The following UNKL variants were observed in gnomAD, a reference collection of about 807,000 sequenced individuals.
UNKL encodes unk like zinc finger.
In UNKL, 60 loss-of-function variants were observed where a neutral mutation model predicts 78.0. That is an observed-to-expected ratio of 0.77 (90% confidence interval 0.63 to 0.95). The LOEUF (loss-of-function observed/expected upper bound fraction) is 0.95. UNKL is among the 40% of genes least tolerant of loss of function. The probability of loss-of-function intolerance (pLI) is 0.00; values close to 1 mark genes in which losing one functional copy is unlikely to be tolerated. For missense variants in UNKL, 1,159 were observed against 1,045.7 expected (o/e 1.11, Z -1.49); for synonymous variants, 608 against 474.8 (o/e 1.28, Z -3.65).
intron 5 of UNKL, among the ~76,000 whole-genome samples, 193 bp from the exon 6 acceptor site, chr16:1,397,488 CA>C (rs1263600890): frequency 4.8e-5 from 4 of 83,810 alleles, no homozygotes; most frequent in South Asian, 1.2e-3. Flanking sequence ...GAGGAGGTGT[CA>C]GGAGGACACA....
rs2037404416 is a variant in UNKL, at chr16:1,399,176, G to A, written c.734+198C>T. On this transcript the variant is annotated intron_variant, in intron 5 of 14. Coordinates refer to ENST00000389221, the MANE Select transcript of UNKL (RefSeq NM_001372107.1). The surrounding 1 kb of genome is among the most constrained non-coding windows in gnomAD (Gnocchi z 5.8). ...GGAGACACTGAGCGTAGGTGGGGAG[G>A]CCCATCCCCAGGACAGACGCGTGGG... is the stretch of plus-strand genomic sequence containing the variant. 1.8e-6 allele frequency: 2 copies of A among 1,139,092 alleles called. No individual in the cohort carries two copies. Among genetic ancestry groups the A allele is most frequent in the South Asian group, 1.7e-5 (1 of 60,288 alleles). The allele number at this position is 1,139,092 out of a possible 1,614,324, so 70.6% of individuals were successfully genotyped here.
chr16:1,380,675 T>TC (rs2036572854), intron 10 of UNKL, among the ~76,000 whole-genome samples: 1 of 144,750 alleles, frequency 6.9e-6, no homozygotes, highest in Admixed American at 6.9e-5. Context: ...GGTTCAGGAT[T>TC]TTTTTTTTTT....
intron 14 of UNKL, 46 bp from the exon 15 acceptor site, chr16:1,366,441 C>A: frequency 6.6e-7 from 1 of 1,506,238 alleles, no homozygotes; most frequent in Middle Eastern, 2.4e-4. Flanking sequence ...CCTGCCCAGG[C>A]TGGGCCAGCT....
At chr16:1,390,525 G>A in intron 9 of UNKL, 107 bp downstream of exon 9, 1 of 1,196,148 alleles carries the variant, frequency 8.4e-7, no homozygotes, top group South Asian at 1.4e-5. Flanking sequence ...GACCAAGGAT[G>A]CATGAGCGCT....
chr16:1,367,163 C>A lies in UNKL; in HGVS notation c.1975G>T (p.Gly659Cys), dbSNP rs149887709. 6.2e-7 allele frequency: 1 copy of A among 1,604,692 alleles called. No homozygotes were observed. Among genetic ancestry groups the A allele is most frequent in the African/African-American group, 1.3e-5 (1 of 74,764 alleles). ...LPGLRGCGDI[G>C]TIPLPKLHSL... ...TGCAGCTTCGGCAGGGGAATGGTGCCGATGTCCCCACAGCCCCGCAGCCCC... is the reference window on the plus strand; with the variant it reads ...TGCAGCTTCGGCAGGGGAATGGTGCAGATGTCCCCACAGCCCCGCAGCCCC... The change falls in exon 14 of 15, where the codon GGC becomes TGC. Residue 659 changes from glycine to cysteine, a missense_variant. Physicochemically the swap from Gly to Cys is radical, Grantham distance 159. Transcript: ENST00000389221.
intron 2 of UNKL, among the ~76,000 whole-genome samples, chr16:1,412,650 C>A (rs1428726099): frequency 6.6e-6 from 1 of 152,204 alleles, no homozygotes; most frequent in East Asian, 1.9e-4. Context: ...ACTTTACTGT[C>A]TTAAAATTAA....
At chr16:1,383,685 G>A (rs777337142) in intron 10 of UNKL, 45 of 410,154 alleles carry the variant, frequency 1.1e-4, no homozygotes, top group Non-Finnish European at 1.9e-4. Flanking sequence ...AACCACCAAC[G>A]ACCAGAAGCT....
At chr16:1,402,511 A>G (rs1402546814) in intron 3 of UNKL, among the ~76,000 whole-genome samples, 1 of 152,082 alleles carries the variant, frequency 6.6e-6, no homozygotes, top group South Asian at 2.1e-4. Flanking sequence ...AAATACAACA[A>G]AATAACCCAG....
rs1452850605 is a variant in UNKL at position 1,390,650 on chromosome 16, G to A, written c.1068C>T (p.Ser356=). ...DSPAEGGPRG[S]EQDSKQNHLA... Reference sequence around the variant, plus strand: ...CCTGTACCTGCTTGCTGTCTTGCTCGCTGCCCCTAGGGCCACCCTCGGCCG... The same window carrying A: ...CCTGTACCTGCTTGCTGTCTTGCTCACTGCCCCTAGGGCCACCCTCGGCCG... The change falls in exon 9 of 15, where the codon AGC becomes AGT. Residue 356 remains serine, a synonymous_variant. Transcript: ENST00000389221. The A allele has an allele frequency of 3.9e-6, 6 of 1,536,016 alleles. No individual in the cohort carries two copies. Among genetic ancestry groups the A allele is most frequent in the African/African-American group, 2.7e-5 (2 of 73,162 alleles).
Position 1,370,311 on chromosome 16 carries a change from G to T in UNKL, c.1404C>A (p.Ser468=). The T allele has an allele frequency of 6.5e-7, 1 of 1,533,630 alleles. No homozygotes were observed. The highest frequency in any genetic ancestry group is 8.7e-7 in the Non-Finnish European group (1 of 1,145,970). Residue 468 remains serine (S), a synonymous_variant, in exon 12 of 15, where the codon TCC becomes TCA. Coordinates refer to ENST00000389221, the MANE Select transcript of UNKL (RefSeq NM_001372107.1). ...AGSAPVAIPG[S]LPRAPSLHSP... ...AGTGTAGCGATGGTGCTCTGGGCAG[G>T]GAGCCGGGGATGGCGACAGGTGCAG... is the stretch of plus-strand genomic sequence containing the variant.
intron 6 of UNKL, among the ~76,000 whole-genome samples, chr16:1,394,712 G>A (rs1348888287): frequency 6.6e-6 from 1 of 152,042 alleles, no homozygotes; most frequent in East Asian, 1.9e-4. Context: ...AGCCCCTCCT[G>A]CTCCGTAGCT....
At position 1,399,331 on chromosome 16, in the gene UNKL, G is replaced by A. The variant is rs752239802; in HGVS notation, c.734+43C>T. On this transcript the variant is annotated intron_variant, in intron 5 of 14. Transcript: ENST00000389221. The surrounding 1 kb of genome is among the most constrained non-coding windows in gnomAD (Gnocchi z 5.8). ...ACGCGAGCCACGGGCCGGGAAGGAC[G>A]CCCACCAGCCGGAGTCCTCTGAGCA... The A allele has an allele frequency of 5.3e-6, 8 of 1,515,828 alleles. No homozygotes were observed. In the African/African-American group the frequency reaches 5.6e-5, roughly 11 times the overall value. 93.9% of individuals were successfully genotyped at this position (1,515,828 alleles called of 1,614,324 possible).
chr16:1,363,506 G>A lies in UNKL; in HGVS notation c.*2734C>T, dbSNP rs541466628. The A allele has an allele frequency of 6.8e-5, 19 of 278,232 alleles. No homozygotes were observed. Among genetic ancestry groups the A allele is most frequent in the Non-Finnish European group, 1.3e-4 (18 of 141,526 alleles). 17.2% of individuals were successfully genotyped at this position (278,232 alleles called of 1,614,324 possible). ...ACACGTCGTGACACCACTGTATCACGGCGAATGTCGAACACTAGAGTTACA... is the reference window on the plus strand; with the variant it reads ...ACACGTCGTGACACCACTGTATCACAGCGAATGTCGAACACTAGAGTTACA... On this transcript the variant is annotated 3_prime_UTR_variant, in exon 15 of 15. Coordinates refer to ENST00000389221, the MANE Select transcript of UNKL (RefSeq NM_001372107.1).
chr16:1,401,774 G>T, intron 3 of UNKL, 73 bp from the exon 4 acceptor site: 1 of 1,532,720 alleles, frequency 6.5e-7, no homozygotes, highest in East Asian at 2.3e-5. Flanking sequence ...TCACTGGAGG[G>T]CACGCTCCCC....
intron 9 of UNKL, 94 bp downstream of exon 9, chr16:1,390,538 C>G: frequency 1.5e-6 from 2 of 1,372,660 alleles, no homozygotes; most frequent in South Asian, 2.6e-5. Flanking sequence ...TGAGCGCTGC[C>G]CTAACGCGAT....
rs61742915 is a variant in UNKL at position 1,395,661 on chromosome 16, C to T, written c.853-1446G>A. ...TTGTTTACCTGGGGCGGGGCCCAGG[C>T]GGGAGGGTTTATCTCCCTCAGGATT... On this transcript the variant is annotated intron_variant, in intron 6 of 14. Transcript: ENST00000389221. 1.4e-3 allele frequency: 630 copies of T among 454,452 alleles called. 4 individuals are homozygous for T. Among genetic ancestry groups the T allele is most frequent in the African/African-American group, 0.011 (538 of 50,138 alleles). 28.2% of individuals were successfully genotyped at this position (454,452 alleles called of 1,614,324 possible). A position where few individuals can be genotyped will look rare whatever the true frequency, so the allele number is the denominator to read the frequency against.
Position 1,366,402 on chromosome 16 carries a change from G to A in UNKL, c.2047-7C>T, listed in dbSNP as rs370176970. On this transcript the variant is annotated splice_polypyrimidine_tract_variant and splice_region_variant and intron_variant, in intron 14 of 14. Coordinates refer to ENST00000389221, the MANE Select transcript of UNKL (RefSeq NM_001372107.1). Reference sequence around the variant, plus strand: ...CGCGGAGCTGGAAGATCACCTGCAGGGCCAGAACAATGACGGGCTCAGGAG... The same window carrying A: ...CGCGGAGCTGGAAGATCACCTGCAGAGCCAGAACAATGACGGGCTCAGGAG... 1.3e-5 allele frequency: 20 copies of A among 1,577,788 alleles called. No homozygotes were observed. Among genetic ancestry groups the A allele is most frequent in the African/African-American group, 2.7e-5 (2 of 74,266 alleles).
Position 1,363,306 on chromosome 16 carries a change from T to G in UNKL, c.*2934A>C. The G allele has an allele frequency of 1.7e-6, 1 of 579,502 alleles. No homozygotes were observed. Among genetic ancestry groups the G allele is most frequent in the Non-Finnish European group, 3.1e-6 (1 of 323,808 alleles). 35.9% of individuals were successfully genotyped at this position (579,502 alleles called of 1,614,324 possible). The stretch of plus-strand genomic sequence containing the variant: ...TATAGTGTAAAAAAATTTAAACAAG[T>G]GTTAACTTTAAACAGTTCGCTACAA... On this transcript the variant is annotated 3_prime_UTR_variant, in exon 15 of 15. Transcript: ENST00000389221.
chr16:1,398,868 G>A, intron 5 of UNKL: 1 of 1,575,414 alleles, frequency 6.3e-7, no homozygotes, highest in Non-Finnish European at 8.6e-7. Flanking sequence ...GGTCCTGTGT[G>A]CACCCTGGGC....
Sources: gnomAD v4.1 joint callset for allele counts (sites outside exome capture counted in the v4.1 genomes callset) on GRCh38, gnomAD v4.1.1 for gene constraint, Gnocchi (gnomAD v3.1) non-coding constraint, MANE v1.5 for transcripts, NCBI Gene and HGNC (gene_info 2026-07-23, HGNC 2026-07-21) for gene names.